TBC1D16: variants seen among roughly 807,000 people sequenced by gnomAD.
TBC1D16 encodes TBC1 domain family member 16.
TBC1D16 carries 58 observed loss-of-function variants against 74.7 expected under a neutral mutation model. That is an observed-to-expected ratio of 0.78 (90% confidence interval 0.63 to 0.97). The LOEUF (loss-of-function observed/expected upper bound fraction) is 0.97, where lower values mean the gene tolerates loss of function less well. Ranked by LOEUF, TBC1D16 falls within the 50% of genes least tolerant of loss-of-function variation. The probability of loss-of-function intolerance (pLI) is 0.00; values close to 1 mark genes in which losing one functional copy is unlikely to be tolerated. For missense variants in TBC1D16, 1,014 were observed against 1,079.5 expected, an observed-to-expected ratio of 0.94 and a Z score of 0.85; for synonymous variants, 493 against 474.7, an observed-to-expected ratio of 1.04 and a Z score of -0.50.
At chr17:79,963,007 G>A (rs1212356514) in intron 3 of TBC1D16, among the ~76,000 whole-genome samples, 3 of 150,618 alleles carry the variant, frequency 2.0e-5, no homozygotes, top group Non-Finnish European at 4.4e-5. Context: ...CCGAGATCGC[G>A]CCATTGCACT....
chr17:79,964,929 A>C (rs547495857), intron 3 of TBC1D16, among the ~76,000 whole-genome samples: 1 of 152,186 alleles, frequency 6.6e-6, no homozygotes, highest in South Asian at 2.1e-4. Flanking sequence ...TTTTATACCT[A>C]TGCAAGTGTA....
intron 1 of TBC1D16, among the ~76,000 whole-genome samples, chr17:80,019,439 A>ACCCCCCCCC (rs71163907): frequency 1.5e-5 from 2 of 135,832 alleles, no homozygotes; most frequent in African/African-American, 3.1e-5. Context: ...CACCAGGACA[A>ACCCCCCCCC]CCCCCCCCCG....
At chr17:79,948,106 T>A (rs1303327429) in intron 8 of TBC1D16, among the ~76,000 whole-genome samples, 2 of 151,728 alleles carry the variant, frequency 1.3e-5, no homozygotes, top group East Asian at 3.9e-4. Flanking sequence ...AGGTCAGGAG[T>A]TCGACACTAG....
chr17:80,001,622 C>G lies in TBC1D16; in HGVS notation c.779+8538G>C, dbSNP rs1030889746. Among the ~76,000 whole-genome samples the G allele has an allele frequency of 2.0e-5, 3 of 152,142 alleles. No individual in the cohort carries two copies. Among genetic ancestry groups the G allele is most frequent in the Non-Finnish European group, 4.4e-5 (3 of 68,006 alleles). On this transcript the variant is annotated intron_variant, in intron 3 of 11. Transcript: ENST00000310924. The surrounding 1 kb of genome is among the most constrained non-coding windows in gnomAD (Gnocchi z 5.8). ...TGAAATTTGGGAGGAATGGAGGATG[C>G]AGCCCTCCCAGCTCCTGGCCATCCC...
chr17:79,956,646 G>C lies in TBC1D16; in HGVS notation c.780-3828C>G, dbSNP rs992327164. 1.3e-5 allele frequency among the ~76,000 whole-genome samples: 2 copies of C among 152,192 alleles called. No homozygotes were observed. Among genetic ancestry groups the C allele is most frequent in the African/African-American group, 4.8e-5 (2 of 41,452 alleles). On this transcript the variant is annotated intron_variant, in intron 3 of 11. Coordinates refer to ENST00000310924, the MANE Select transcript of TBC1D16 (RefSeq NM_019020.4). The surrounding 1 kb of genome is among the most constrained non-coding windows in gnomAD (Gnocchi z 4.0). ...CAGGACAAGCCAGCTCTCAGAAAAA[G>C]CTTGAAGGGGAGGAAGAAACCTTCA... is the stretch of plus-strand genomic sequence containing the variant.
At position 79,941,914 on chromosome 17, in the gene TBC1D16, A is replaced by G. The variant is rs1598308890; in HGVS notation, c.2055+146T>C. 1.6e-6 allele frequency: 1 copy of G among 637,664 alleles called. No homozygotes were observed. Among genetic ancestry groups the G allele is most frequent in the Admixed American group, 2.7e-5 (1 of 36,906 alleles). 39.5% of individuals were successfully genotyped at this position (637,664 alleles called of 1,614,324 possible). Reference sequence around the variant, plus strand: ...GAGCCCCCAGTGCTATGGGTGGGGGAGGGCACGTGCTGGGGGGCCATGGTG... The same window carrying G: ...GAGCCCCCAGTGCTATGGGTGGGGGGGGGCACGTGCTGGGGGGCCATGGTG... On this transcript the variant is annotated intron_variant, in intron 11 of 11. Transcript: ENST00000310924. The surrounding 1 kb of genome is among the most constrained non-coding windows in gnomAD (Gnocchi z 4.3).
rs1439226931 is a variant in TBC1D16, at chr17:79,971,711, C to G, written c.780-18893G>C. Among the ~76,000 whole-genome samples, 7 of 152,128 alleles carry G rather than the reference C, an allele frequency of 4.6e-5. No individual in the cohort carries two copies. Among genetic ancestry groups the G allele is most frequent in the Admixed American group, 3.3e-4 (5 of 15,270 alleles). On this transcript the variant is annotated intron_variant, in intron 3 of 11. Transcript: ENST00000310924. The surrounding 1 kb of genome is among the most constrained non-coding windows in gnomAD (Gnocchi z 4.6). ...AAGGAAGACCTGAGGAAGCTGGTGC[C>G]CGACCCACCAGGAGACATGGACCTC...
chr17:79,934,637 G>A lies in TBC1D16; in HGVS notation c.*6222C>T, dbSNP rs1236874876. 1 of 152,344 alleles carries A rather than the reference G, an allele frequency of 6.6e-6. No individual in the cohort carries two copies. 9.4% of individuals were successfully genotyped at this position (152,344 alleles called of 1,614,324 possible). ...AGTGCTGGCTCTGCTCTTTCCTGGG[G>A]GAAGCCCACTGCTCCTCCTGGGGCC... On this transcript the variant is annotated 3_prime_UTR_variant, in exon 12 of 12. Transcript: ENST00000310924.
chr17:79,943,858 C>T lies in TBC1D16; in HGVS notation c.1908+1050G>A, dbSNP rs2032264084. ...AGGAATGAGGGCGGCAAATCTGCCA[C>T]TGGGAAAACGTGCAATGAGGCACGA... On this transcript the variant is annotated intron_variant, in intron 10 of 11. Transcript: ENST00000310924. 5 of 1,389,048 alleles carry T rather than the reference C, an allele frequency of 3.6e-6. No individual in the cohort carries two copies. The South Asian group carries it at 6.1e-5, about 17-fold the overall frequency. The allele number at this position is 1,389,048 out of a possible 1,614,324, so 86.0% of individuals were successfully genotyped here.
rs1185036636 is a variant in TBC1D16 at position 79,975,903 on chromosome 17, C to G, written c.780-23085G>C. 6.6e-6 allele frequency among the ~76,000 whole-genome samples: 1 copy of G among 152,202 alleles called. No individual in the cohort carries two copies. Among genetic ancestry groups the G allele is most frequent in the Non-Finnish European group, 1.5e-5 (1 of 68,030 alleles). On this transcript the variant is annotated intron_variant, in intron 3 of 11. Transcript: ENST00000310924. The surrounding 1 kb of genome is among the most constrained non-coding windows in gnomAD (Gnocchi z 4.5). ...GCAGCAGCAGCTCCGGCAGGCGGCTCTCCAGGCCACGAGATGGGCACAGAC... is the reference window on the plus strand; with the variant it reads ...GCAGCAGCAGCTCCGGCAGGCGGCTGTCCAGGCCACGAGATGGGCACAGAC...
At chr17:79,996,669 C>T (rs1271109404) in intron 3 of TBC1D16, among the ~76,000 whole-genome samples, 3 of 152,062 alleles carry the variant, frequency 2.0e-5, no homozygotes, top group African/African-American at 4.8e-5. Context: ...TTGCTTGAGC[C>T]CAGGAGTTCG....
intron 3 of TBC1D16, among the ~76,000 whole-genome samples, chr17:79,960,811 G>GAAAAAAAAA (rs2033578708): frequency 7.4e-5 from 3 of 40,330 alleles, no homozygotes; most frequent in Non-Finnish European, 9.9e-5. Context: ...AAAAAAAAAC[G>GAAAAAAAAA]AAGGAATGAA....
At chr17:79,989,233 T>G (rs2034969123) in intron 3 of TBC1D16, among the ~76,000 whole-genome samples, 1 of 152,130 alleles carries the variant, frequency 6.6e-6, no homozygotes, top group African/African-American at 2.4e-5. Flanking sequence ...GCGCAGGAAC[T>G]TTTGCCCATG....
intron 1 of TBC1D16, among the ~76,000 whole-genome samples, chr17:80,028,748 T>G (rs1439169126): frequency 6.6e-6 from 1 of 150,872 alleles, no homozygotes; most frequent in African/African-American, 2.4e-5. Context: ...GTAGCTGGAA[T>G]TACAGGCGCG....
intron 2 of TBC1D16, among the ~76,000 whole-genome samples, chr17:80,012,209 GAT>G (rs72407603): frequency 0.051 from 7,827 of 152,290 alleles, 385 homozygotes; most frequent in African/African-American, 0.13. Flanking sequence ...TGGGCATTAG[GAT>G]AACATGAGCC....
Position 79,940,909 on chromosome 17 carries a change from C to T in TBC1D16, c.2254G>A (p.Gly752Ser). ...TGCGGCGTCTTTGGGCCCTTCTTGC[C>T]TTCCCTCAGGGACTTGGGGGAAGGC... ...EMPSPKSLRE[G>S]KKGPKTPQDG... Residue 752 changes from glycine (G) to serine (S), a missense_variant, in exon 12 of 12, where the codon GGC becomes AGC. By Grantham distance (56) the Gly-to-Ser change is moderately conservative (BLOSUM62 0). Coordinates refer to ENST00000310924, the MANE Select transcript of TBC1D16 (RefSeq NM_019020.4). This position sits in a 1 kb window ranked among gnomAD's most constrained non-coding sequence, Gnocchi z 5.4. 1 of 1,585,074 alleles carries T rather than the reference C, an allele frequency of 6.3e-7. No homozygotes were observed. The highest frequency in any genetic ancestry group is 1.1e-5 in the South Asian group (1 of 88,522).
In TBC1D16 at chr17:79,950,699, C is replaced by T. The variant is rs1013774074; in HGVS notation, c.1090-121G>A. Reference sequence around the variant, plus strand: ...TCTGAAAGGAGGGCAAGGGCCGTCCCCTGCATACAAACCCCTAAATGGCGA... The same window carrying T: ...TCTGAAAGGAGGGCAAGGGCCGTCCTCTGCATACAAACCCCTAAATGGCGA... On this transcript the variant is annotated intron_variant, in intron 5 of 11. Coordinates refer to ENST00000310924, the MANE Select transcript of TBC1D16 (RefSeq NM_019020.4). This position sits in a 1 kb window ranked among gnomAD's most constrained non-coding sequence, Gnocchi z 4.6. 5.0e-5 allele frequency: 77 copies of T among 1,541,024 alleles called. No homozygotes were observed. The highest frequency in any genetic ancestry group is 6.5e-5 in the Non-Finnish European group (74 of 1,141,152).
chr17:80,016,414 TTTATG>T (rs2036092844), intron 1 of TBC1D16, among the ~76,000 whole-genome samples: 1 of 152,182 alleles, frequency 6.6e-6, no homozygotes, highest in Non-Finnish European at 1.5e-5. Flanking sequence ...AGTGGTAAGT[TTTATG>T]TTATATGTAT....
In TBC1D16 at chr17:80,001,466, C is replaced by T. The variant is rs944344858; in HGVS notation, c.779+8694G>A. ...AGACCTTCAGGAGCTGCTGGCTTCC[C>T]GGCTGCCAGGCTGCGCTGGGCCCGG... On this transcript the variant is annotated intron_variant, in intron 3 of 11. Transcript: ENST00000310924. This position sits in a 1 kb window ranked among gnomAD's most constrained non-coding sequence, Gnocchi z 5.8. 1.3e-5 allele frequency among the ~76,000 whole-genome samples: 2 copies of T among 151,780 alleles called. No homozygotes were observed. Among genetic ancestry groups the T allele is most frequent in the African/African-American group, 4.8e-5 (2 of 41,358 alleles).
Sources: gnomAD v4.1 joint callset for allele counts (sites outside exome capture counted in the v4.1 genomes callset) on GRCh38, gnomAD v4.1.1 for gene constraint, Gnocchi (gnomAD v3.1) non-coding constraint, MANE v1.5 for transcripts, NCBI Gene and HGNC (gene_info 2026-07-23, HGNC 2026-07-21) for gene names.